The following LMTK2 variants were observed in gnomAD, a reference collection of about 807,000 sequenced individuals.
LMTK2 encodes serine/threonine-protein kinase LMTK2.
LMTK2 carries 37 observed loss-of-function variants against 127.5 expected under a neutral mutation model. The ratio of observed to expected loss-of-function variants is 0.29; its 90% CI spans 0.22 to 0.38. The LOEUF (loss-of-function observed/expected upper bound fraction) is 0.38, where lower values mean the gene tolerates loss of function less well. LMTK2 is among the 10% of genes least tolerant of loss of function. The pLI is 1.00. For missense variants in LMTK2, 1,694 were observed against 1,920.3 expected, an observed-to-expected ratio of 0.88 and a Z score of 2.20; for synonymous variants, 819 against 810.1, an observed-to-expected ratio of 1.01 and a Z score of -0.19.
rs571773378 is a variant in LMTK2 at position 98,195,712 on chromosome 7, G to A, written c.4107+1140G>A. ...GCGTGGCACCATCCCTCATGGGTCC[G>A]TGGCTATGGCGGGTCCAAGCACTGT... On this transcript the variant is annotated intron_variant, in intron 11 of 13. Transcript: ENST00000297293. 1.3e-3 allele frequency among the ~76,000 whole-genome samples: 204 copies of A among 152,278 alleles called. 3 individuals carry two copies. The highest frequency in any genetic ancestry group is 4.7e-3 in the African/African-American group (197 of 41,552).
intron 1 of LMTK2, among the ~76,000 whole-genome samples, chr7:98,127,094 A>G (rs1288531957): frequency 5.3e-5 from 8 of 152,226 alleles, no homozygotes; most frequent in East Asian, 1.9e-4. Context: ...TTGTTATATT[A>G]TGGCAAAGAA....
chr7:98,195,197 C>G (rs749025924), intron 11 of LMTK2, among the ~76,000 whole-genome samples: 1 of 152,188 alleles, frequency 6.6e-6, no homozygotes, highest in African/African-American at 2.4e-5. Flanking sequence ...ATTTTTAGAG[C>G]CTGACAATTG....
At chr7:98,189,322 G>A (rs888272555) in intron 9 of LMTK2, among the ~76,000 whole-genome samples, 2 of 152,072 alleles carry the variant, frequency 1.3e-5, no homozygotes, top group Non-Finnish European at 2.9e-5. Context: ...GTTTCCTTCC[G>A]CTCTCGCTGT....
intron 5 of LMTK2, 95 bp downstream of exon 5, chr7:98,154,971 A>T: frequency 1.4e-6 from 1 of 728,942 alleles, no homozygotes; most frequent in Non-Finnish European, 2.4e-6. Context: ...CCTGTAACAT[A>T]CATGATTAAG....
intron 7 of LMTK2, among the ~76,000 whole-genome samples, chr7:98,181,362 A>G (rs1205667059): frequency 6.6e-6 from 1 of 152,192 alleles, no homozygotes; most frequent in East Asian, 1.9e-4. Context: ...TGTAGCCTCC[A>G]TCTCAAGGAC....
At chr7:98,138,736 T>C (rs1363291041) in intron 2 of LMTK2, among the ~76,000 whole-genome samples, 2 of 152,230 alleles carry the variant, frequency 1.3e-5, no homozygotes, top group Non-Finnish European at 2.9e-5. Context: ...TTGCTGATAC[T>C]GAAATCCAGT....
In LMTK2 at chr7:98,203,716, G is replaced by A. The variant is rs375173332; in HGVS notation, c.4240+10G>A. 1.2e-5 allele frequency: 19 copies of A among 1,612,816 alleles called. No individual in the cohort carries two copies. Among genetic ancestry groups the A allele is most frequent in the Middle Eastern group, 1.6e-4 (1 of 6,082 alleles). Reference sequence around the variant, plus strand: ...TCCACCGACGAAGAAGGTATTTCACGTCATTGTCTAGTTTTAAAGGAAACT... The same window carrying A: ...TCCACCGACGAAGAAGGTATTTCACATCATTGTCTAGTTTTAAAGGAAACT... On this transcript the variant is annotated intron_variant, in intron 12 of 13. Coordinates refer to ENST00000297293, the MANE Select transcript of LMTK2 (RefSeq NM_014916.4).
At chr7:98,164,776 G>A (rs1168067469) in intron 6 of LMTK2, among the ~76,000 whole-genome samples, 3 of 152,104 alleles carry the variant, frequency 2.0e-5, no homozygotes, top group Admixed American at 1.3e-4. Flanking sequence ...AAAGCACGCT[G>A]GAGACCAGGC....
At chr7:98,182,318 A>G (rs977576551) in intron 7 of LMTK2, among the ~76,000 whole-genome samples, 1 of 152,234 alleles carries the variant, frequency 6.6e-6, no homozygotes, top group Admixed American at 6.5e-5. Context: ...CACCAAATGG[A>G]GAAAGTATTT....
Position 98,192,828 on chromosome 7 carries a change from G to A in LMTK2, c.2363G>A (p.Ser788Asn), listed in dbSNP as rs1452077442. Residue 788 changes from serine to asparagine, a missense_variant, in exon 11 of 14, where the codon AGC becomes AAC. Transcript: ENST00000297293. ...TTGTCTTTGTTGCAGGAAAACGTAAGCACAAAGGGTGACGATACAGATGTC... is the reference window on the plus strand; with the variant it reads ...TTGTCTTTGTTGCAGGAAAACGTAAACACAAAGGGTGACGATACAGATGTC... ...PGLSLLQENVSTKGDDTDVML... is the reference protein window; with the variant it reads ...PGLSLLQENVNTKGDDTDVML... 2 of 1,613,872 alleles carry A rather than the reference G, an allele frequency of 1.2e-6. No homozygotes were observed. Among genetic ancestry groups the A allele is most frequent in the Non-Finnish European group, 1.7e-6 (2 of 1,179,832 alleles).
At chr7:98,156,761 T>C (rs1426207669) in intron 5 of LMTK2, among the ~76,000 whole-genome samples, 1 of 152,202 alleles carries the variant, frequency 6.6e-6, no homozygotes, top group Admixed American at 6.5e-5. Context: ...CTGGAAAGTC[T>C]AGAGTCTGCA....
intron 3 of LMTK2, among the ~76,000 whole-genome samples, chr7:98,150,240 G>T (rs567463686): frequency 2.0e-4 from 30 of 150,920 alleles, no homozygotes; most frequent in African/African-American, 5.8e-4. Flanking sequence ...CCCGGGAGGC[G>T]TAGGTTGCAG....
At chr7:98,187,532 AT>A (rs1797455243) in intron 9 of LMTK2, among the ~76,000 whole-genome samples, 1 of 147,122 alleles carries the variant, frequency 6.8e-6, no homozygotes, top group South Asian at 2.2e-4. Flanking sequence ...TGCTTTTATT[AT>A]TTTTTTCATT....
chr7:98,141,964 A>G (rs1449921566), intron 3 of LMTK2, among the ~76,000 whole-genome samples: 1 of 152,128 alleles, frequency 6.6e-6, no homozygotes, highest in Non-Finnish European at 1.5e-5. Context: ...TTCTTCAGAC[A>G]GAGGTTTGGT....
Position 98,131,363 on chromosome 7 carries a change from C to T in LMTK2, c.104-5952C>T, listed in dbSNP as rs1796517784. 5.3e-5 allele frequency among the ~76,000 whole-genome samples: 8 copies of T among 152,148 alleles called. No individual in the cohort carries two copies. In the South Asian group the frequency reaches 1.7e-3, roughly 32 times the overall value. On this transcript the variant is annotated intron_variant, in intron 1 of 13. Transcript: ENST00000297293. ...CGTTTAAGTCTTTTAATGTTTGCCA[C>T]TCTCCCTCTCTTCATCTCTTTCTTT...
At chr7:98,196,148 C>T (rs1449917336) in intron 11 of LMTK2, among the ~76,000 whole-genome samples, 1 of 150,870 alleles carries the variant, frequency 6.6e-6, no homozygotes, top group Non-Finnish European at 1.5e-5. Flanking sequence ...AAGATTGCAC[C>T]ACTGCACTCC....
At chr7:98,140,119 TTTC>T (rs1562902536) in intron 2 of LMTK2, among the ~76,000 whole-genome samples, 2 of 64,256 alleles carry the variant, frequency 3.1e-5, no homozygotes, top group African/African-American at 1.6e-4. Flanking sequence ...TCTTTCTTTC[TTTC>T]TTTCTTTCTT....
intron 1 of LMTK2, among the ~76,000 whole-genome samples, chr7:98,130,412 G>A (rs1163326141): frequency 6.6e-6 from 1 of 152,192 alleles, no homozygotes; most frequent in African/African-American, 2.4e-5. Context: ...GGTAGCTGCT[G>A]TTATATGTGC....
intron 6 of LMTK2, among the ~76,000 whole-genome samples, chr7:98,164,466 A>G (rs1260082773): frequency 6.6e-6 from 1 of 152,194 alleles, no homozygotes; most frequent in African/African-American, 2.4e-5. Flanking sequence ...CTTCTGTAAA[A>G]TGGCAGTAAT....
Sources: gnomAD v4.1 joint callset for allele counts (sites outside exome capture counted in the v4.1 genomes callset) on GRCh38, gnomAD v4.1.1 for gene constraint, MANE v1.5 for transcripts, NCBI Gene and HGNC (gene_info 2026-07-23, HGNC 2026-07-21) for gene names.